ABHD18: variants seen among roughly 807,000 people sequenced by gnomAD.
The protein encoded by ABHD18 is cardiolipin-specific deacylase, mitochondrial.
A neutral mutation model predicts 65.9 loss-of-function variants in ABHD18; 55 were observed. The ratio of observed to expected loss-of-function variants is 0.84; its 90% CI spans 0.67 to 1.05. The LOEUF (loss-of-function observed/expected upper bound fraction) is 1.05. ABHD18 is among the 50% of genes least tolerant of loss of function. The pLI, the probability that ABHD18 is intolerant of heterozygous loss-of-function variation, is 0.00. For synonymous variants in ABHD18, 181 were observed against 180.2 expected (o/e 1.00, Z -0.04); for missense variants, 533 against 558.5 (o/e 0.95, Z 0.46).
chr4:128,003,577 T>TA (rs1753058710), intron 4 of ABHD18, among the ~76,000 whole-genome samples: 1 of 152,090 alleles, frequency 6.6e-6, no homozygotes, highest in African/African-American at 2.4e-5. Flanking sequence ...AATGGCTTTT[T>TA]ATCATAATTT....
intron 7 of ABHD18, among the ~76,000 whole-genome samples, chr4:128,016,038 C>T (rs1466210150): frequency 1.3e-5 from 2 of 150,678 alleles, no homozygotes; most frequent in Non-Finnish European, 2.9e-5. Flanking sequence ...ACTGCAACCT[C>T]CACCTCCCGG....
chr4:128,022,733 G>A (rs1756698914), intron 10 of ABHD18, among the ~76,000 whole-genome samples: 1 of 148,038 alleles, frequency 6.8e-6, no homozygotes, highest in African/African-American at 2.5e-5. Context: ...TGATGAATTG[G>A]TTTCCTACTG....
intron 3 of ABHD18, among the ~76,000 whole-genome samples, chr4:127,985,249 G>A (rs945852852): frequency 2.6e-5 from 4 of 151,918 alleles, no homozygotes. Context: ...GGAGGCACCT[G>A]GTTTTCTGTA....
At chr4:128,022,890 C>T (rs546731436) in intron 10 of ABHD18, among the ~76,000 whole-genome samples, 1 of 151,926 alleles carries the variant, frequency 6.6e-6, no homozygotes, top group Non-Finnish European at 1.5e-5. Context: ...CCTGCCTCAG[C>T]CTCCTGAGCA....
At chr4:127,992,314 A>C (rs1186504141) in intron 4 of ABHD18, among the ~76,000 whole-genome samples, 1 of 152,104 alleles carries the variant, frequency 6.6e-6, no homozygotes, top group Non-Finnish European at 1.5e-5. Context: ...TCTACTAAAA[A>C]TACAAAAAAA....
chr4:127,982,175 TAAA>T (rs1312584525), intron 1 of ABHD18, among the ~76,000 whole-genome samples: 5 of 147,774 alleles, frequency 3.4e-5, no homozygotes, highest in Non-Finnish European at 7.4e-5. Context: ...TGAGAAAAAA[TAAA>T]AAACAATTGA....
Position 128,021,257 on chromosome 4 carries a change from AC to A in ABHD18, c.801+22del. The A allele has an allele frequency of 7.3e-7, 1 of 1,374,022 alleles. No homozygotes were observed. Among genetic ancestry groups the A allele is most frequent in the Non-Finnish European group, 1.0e-6 (1 of 990,622 alleles). 85.1% of individuals were successfully genotyped at this position (1,374,022 alleles called of 1,614,324 possible). ...CTGTGGAGTAAGTATTTCACTTTCC[AC>A]CCAACATTGGTGGTGGGGGGAGTTG... On this transcript the variant is annotated intron_variant, in intron 10 of 12. Transcript: ENST00000645843.
intron 1 of ABHD18, among the ~76,000 whole-genome samples, chr4:127,972,277 T>G (rs753705646): frequency 6.6e-6 from 1 of 152,148 alleles, no homozygotes; most frequent in Non-Finnish European, 1.5e-5. Context: ...TACTGGAGTT[T>G]CATTAATAGG....
At chr4:128,030,850 C>T in intron 12 of ABHD18, 178 bp downstream of exon 12, 1 of 1,359,436 alleles carries the variant, frequency 7.4e-7, no homozygotes, top group African/African-American at 1.5e-5. Context: ...ATTTGATCTT[C>T]TTATTTTCTT....
chr4:127,966,400 A>G (rs1745384709), intron 1 of ABHD18, among the ~76,000 whole-genome samples: 1 of 152,180 alleles, frequency 6.6e-6, no homozygotes, highest in African/African-American at 2.4e-5. Flanking sequence ...AAAGTTGGAA[A>G]CCAAACTTAA....
In ABHD18 at chr4:128,035,796, C is replaced by T. The variant is rs1758832033; in HGVS notation, c.1378C>T (p.His460Tyr). Residue 460 changes from histidine (H) to tyrosine (Y), a missense_variant, in exon 13 of 13, where the codon CAT becomes TAT. Physicochemically the swap from His to Tyr is moderately conservative, Grantham distance 83. This residue lies in a region of ABHD18 where 220 missense variants were observed against 226.8 expected (regional missense o/e 0.97). Transcript: ENST00000645843. Reference sequence around the variant, plus strand: ...CTATGATGCATTTGACCGCTTCCTCCATAAATACGCTAACTAGTTGGATTA... The same window carrying T: ...CTATGATGCATTTGACCGCTTCCTCTATAAATACGCTAACTAGTTGGATTA... ...AIYDAFDRFL[H>Y]KYAN is the part of the protein sequence containing the mutation. 1.3e-6 allele frequency: 2 copies of T among 1,536,308 alleles called. No homozygotes were observed. Among genetic ancestry groups the T allele is most frequent in the Non-Finnish European group, 1.8e-6 (2 of 1,136,860 alleles).
chr4:127,977,417 G>T (rs1020194577), intron 1 of ABHD18, among the ~76,000 whole-genome samples: 1 of 152,130 alleles, frequency 6.6e-6, no homozygotes, highest in African/African-American at 2.4e-5. Context: ...GGTTGCAGTG[G>T]GCTGAGATCA....
intron 4 of ABHD18, among the ~76,000 whole-genome samples, chr4:127,993,614 A>T (rs576143342): frequency 2.0e-5 from 3 of 152,312 alleles, no homozygotes; most frequent in African/African-American, 7.2e-5. Context: ...AGTGTTAACC[A>T]CTATTTTATG....
chr4:128,025,912 C>G (rs1322430752), intron 10 of ABHD18, among the ~76,000 whole-genome samples: 2 of 152,158 alleles, frequency 1.3e-5, no homozygotes, highest in Non-Finnish European at 2.9e-5. Flanking sequence ...AATCCCAGCA[C>G]TTTGGGAGGC....
chr4:128,008,775 TTTAG>T, intron 4 of ABHD18, 141 bp from the exon 5 acceptor site: 1 of 579,658 alleles, frequency 1.7e-6, no homozygotes, highest in East Asian at 3.0e-5. Flanking sequence ...GACAACTTAA[TTTAG>T]TTAATTACAA....
At position 128,028,548 on chromosome 4, in the gene ABHD18, A is replaced by G. The variant is rs1757717992; in HGVS notation, c.875A>G (p.Asn292Ser). The G allele has an allele frequency of 1.9e-6, 3 of 1,611,590 alleles. No homozygotes were observed. Among genetic ancestry groups the G allele is most frequent in the Admixed American group, 1.7e-5 (1 of 59,518 alleles). Residue 292 changes from asparagine to serine, a missense_variant, in exon 11 of 13, where the codon AAT (asparagine) becomes AGT (serine). Physicochemically the swap from Asn to Ser is conservative, Grantham distance 46. Around this residue, in one of 3 missense-constraint regions of ABHD18, gnomAD observed 220 missense variants for 226.8 expected, o/e 0.97. Coordinates refer to ENST00000645843, the MANE Select transcript of ABHD18 (RefSeq NM_001358451.3). ...AGTGCAGACAAGCTAACTAACCTTA[A>G]TCTGGTTTCCAGAACTTTAAATTTA... ...TSSADKLTNLNLVSRTLNLDI... is the reference protein window; with the variant it reads ...TSSADKLTNLSLVSRTLNLDI...
chr4:127,984,306 A>ATT, intron 2 of ABHD18, 33 bp from the exon 3 acceptor site: 1 of 1,377,636 alleles, frequency 7.3e-7, no homozygotes, highest in Non-Finnish European at 1.0e-6. Flanking sequence ...TAAAAGATTA[A>ATT]TTTTTTCCTT....
At chr4:127,977,435 G>A (rs1162139053) in intron 1 of ABHD18, among the ~76,000 whole-genome samples, 1 of 152,176 alleles carries the variant, frequency 6.6e-6, no homozygotes, top group African/African-American at 2.4e-5. Flanking sequence ...TCATGCCACT[G>A]TACTCCAGTC....
chr4:127,990,628 G>T (rs1006672788), intron 4 of ABHD18, among the ~76,000 whole-genome samples: 3 of 152,026 alleles, frequency 2.0e-5, no homozygotes, highest in African/African-American at 7.2e-5. Context: ...ATAATAGGAA[G>T]AAGAAGTACT....
Sources: allele counts gnomAD v4.1 joint callset (sites outside exome capture counted in the v4.1 genomes callset), GRCh38; gene constraint gnomAD v4.1.1; regional missense constraint gnomAD v4.1.1; transcripts MANE v1.5; gene names NCBI Gene and HGNC (gene_info 2026-07-23, HGNC 2026-07-21).